SGCG: variants seen among roughly 807,000 people sequenced by gnomAD.
The protein encoded by SGCG is sarcoglycan gamma.
SGCG carries 26 observed loss-of-function variants against 29.3 expected under a neutral mutation model. The observed-to-expected ratio is 0.89, with a 90% CI of 0.65 to 1.23. The LOEUF (loss-of-function observed/expected upper bound fraction) is 1.23. Ranked by LOEUF, SGCG falls within the 50% of genes most tolerant of loss-of-function variation. The probability of loss-of-function intolerance (pLI) is 0.00; values close to 1 mark genes in which losing one functional copy is unlikely to be tolerated. For missense variants in SGCG, 353 were observed against 356.0 expected (o/e 0.99, Z 0.07); for synonymous variants, 145 against 129.7 (o/e 1.12, Z -0.80).
chr13:23,223,276 C>CAA (rs10569811), intron 2 of SGCG, among the ~76,000 whole-genome samples: 549 of 103,054 alleles, frequency 5.3e-3, no homozygotes, highest in Non-Finnish European at 7.1e-3. Context: ...GACTCTGTCA[C>CAA]AAAAAAAAAA....
upstream of SGCG, chr13:23,180,854 T>A (rs138619360): frequency 2.0e-5 from 3 of 152,314 alleles, no homozygotes; most frequent in Middle Eastern, 3.4e-3. Context: ...GTATGAACTG[T>A]TTATGTCACT....
At chr13:23,268,937 C>T (rs894377034) in intron 4 of SGCG, 2 of 151,256 alleles carry the variant, frequency 1.3e-5, no homozygotes, top group Non-Finnish European at 2.9e-5. Flanking sequence ...GAAGACTAGC[C>T]GCTGCAGTGG....
chr13:23,244,763 G>A (rs553941469), intron 3 of SGCG: 1 of 152,268 alleles, frequency 6.6e-6, no homozygotes, highest in African/African-American at 2.4e-5. Flanking sequence ...CTTCTCCAAG[G>A]CGCTTTGAAA....
chr13:23,187,614 T>G (rs1877041272), intron 1 of SGCG, among the ~76,000 whole-genome samples: 1 of 152,192 alleles, frequency 6.6e-6, no homozygotes, highest in Admixed American at 6.5e-5. Context: ...GGGTCACCCC[T>G]GTGTGGCCAG....
At chr13:23,269,304 A>G (rs948584690) in intron 4 of SGCG, among the ~76,000 whole-genome samples, 1 of 152,234 alleles carries the variant, frequency 6.6e-6, no homozygotes, top group African/African-American at 2.4e-5. Context: ...AAAAAGATAA[A>G]GGGAATTTTA....
chr13:23,250,516 G>T (rs1879919816), intron 3 of SGCG, 114 bp from the exon 4 acceptor site: 1 of 674,356 alleles, frequency 1.5e-6, no homozygotes, highest in South Asian at 1.7e-5. Flanking sequence ...GGATTTCCAG[G>T]ATCTGTAACA....
intron 2 of SGCG, among the ~76,000 whole-genome samples, chr13:23,210,420 G>C (rs945683202): frequency 6.6e-6 from 1 of 151,952 alleles, no homozygotes; most frequent in South Asian, 2.1e-4. Flanking sequence ...GGCTGGGCGC[G>C]GTGGCTCATT....
intron 1 of SGCG, among the ~76,000 whole-genome samples, chr13:23,186,681 G>A (rs1378174772): frequency 6.6e-6 from 1 of 152,180 alleles, no homozygotes; most frequent in African/African-American, 2.4e-5. Flanking sequence ...GGCCTCAACG[G>A]CAGCTTTAAA....
chr13:23,256,441 C>T (rs1055422171), intron 4 of SGCG, among the ~76,000 whole-genome samples: 3 of 151,984 alleles, frequency 2.0e-5, no homozygotes, highest in African/African-American at 4.8e-5. Flanking sequence ...AGGTTTGTTA[C>T]GTATGTATAC....
At chr13:23,192,569 T>A (rs1465301129) in intron 1 of SGCG, among the ~76,000 whole-genome samples, 2 of 152,146 alleles carry the variant, frequency 1.3e-5, no homozygotes, top group East Asian at 3.9e-4. Flanking sequence ...AATTTTTTTG[T>A]ATTTTTAGTA....
intron 3 of SGCG, among the ~76,000 whole-genome samples, chr13:23,236,554 T>C (rs1224589962): frequency 6.6e-6 from 1 of 151,998 alleles, no homozygotes; most frequent in Non-Finnish European, 1.5e-5. Context: ...GGCGGGCGCC[T>C]GTAGTCCCAG....
At chr13:23,198,429 G>A (rs1409257434) in intron 1 of SGCG, among the ~76,000 whole-genome samples, 2 of 152,182 alleles carry the variant, frequency 1.3e-5, no homozygotes, top group Non-Finnish European at 2.9e-5. Context: ...TGGGGATCAT[G>A]AATTCAGAAG....
intron 4 of SGCG, among the ~76,000 whole-genome samples, chr13:23,274,120 T>G (rs1880970919): frequency 6.6e-6 from 1 of 152,218 alleles, no homozygotes; most frequent in East Asian, 1.9e-4. Context: ...TTTTGTCATA[T>G]TTAACGCTTT....
At chr13:23,314,706 G>A (rs1882742225) in intron 6 of SGCG, among the ~76,000 whole-genome samples, 1 of 152,002 alleles carries the variant, frequency 6.6e-6, no homozygotes, top group Non-Finnish European at 1.5e-5. Context: ...CAGAGGATGG[G>A]AAATACATCC....
At chr13:23,226,752 G>T (rs939118661) in intron 2 of SGCG, among the ~76,000 whole-genome samples, 1 of 152,182 alleles carries the variant, frequency 6.6e-6, no homozygotes, top group African/African-American at 2.4e-5. Context: ...GGGGCTGGGG[G>T]CAGGAGGAAA....
the SGCG span, among the ~76,000 whole-genome samples, chr13:23,167,731 C>CTTTTT: frequency 6.8e-6 from 1 of 146,204 alleles, no homozygotes; most frequent in Non-Finnish European, 1.5e-5. Flanking sequence ...ATCTTTTGCC[C>CTTTTT]TTTTTTTTTT....
intron 6 of SGCG, among the ~76,000 whole-genome samples, chr13:23,305,470 T>C (rs573269493): frequency 6.6e-6 from 1 of 152,336 alleles, no homozygotes. Context: ...CATTTGCAAA[T>C]AGGTATAGTT....
intron 1 of SGCG, among the ~76,000 whole-genome samples, chr13:23,199,057 G>A (rs1195596301): frequency 1.3e-5 from 2 of 150,730 alleles, no homozygotes; most frequent in Non-Finnish European, 2.9e-5. Flanking sequence ...GCAGTGAGCC[G>A]AGATCGTGCC....
chr13:23,236,633 A>G (rs1451984142), intron 3 of SGCG, among the ~76,000 whole-genome samples: 2 of 152,084 alleles, frequency 1.3e-5, no homozygotes, highest in African/African-American at 4.8e-5. Flanking sequence ...AGCCGAGATC[A>G]TGCCACTGCA....
Sources: allele counts gnomAD v4.1 joint callset (sites outside exome capture counted in the v4.1 genomes callset), GRCh38; gene constraint gnomAD v4.1.1; transcripts MANE v1.5; gene names NCBI Gene and HGNC (gene_info 2026-07-23, HGNC 2026-07-21).